ABCG2: variants seen among roughly 807,000 people sequenced by gnomAD.
The protein encoded by ABCG2 is broad substrate specificity ATP-binding cassette transporter ABCG2.
In ABCG2, 80 loss-of-function variants were observed where a neutral mutation model predicts 73.5. The observed-to-expected ratio is 1.09, with a 90% CI of 0.91 to 1.31. The LOEUF is 1.31. ABCG2 is among the 50% of genes most tolerant of loss of function. The probability of loss-of-function intolerance (pLI) is 0.00; values close to 1 mark genes in which losing one functional copy is unlikely to be tolerated. For missense variants in ABCG2, 796 were observed against 786.2 expected, an observed-to-expected ratio of 1.01 and a Z score of -0.15; for synonymous variants, 269 against 282.4, an observed-to-expected ratio of 0.95 and a Z score of 0.48.
intron 1 of ABCG2, among the ~76,000 whole-genome samples, chr4:88,182,225 C>T (rs1728281902): frequency 6.6e-6 from 1 of 151,948 alleles, no homozygotes; most frequent in South Asian, 2.1e-4. Flanking sequence ...TGTATGTACC[C>T]AACACTGCAG....
At chr4:88,116,105 G>T (rs1336806008) in intron 7 of ABCG2, among the ~76,000 whole-genome samples, 1 of 152,176 alleles carries the variant, frequency 6.6e-6, no homozygotes, top group Non-Finnish European at 1.5e-5. Context: ...TGAGGCACAA[G>T]AATTGCTTGA....
chr4:88,145,087 C>T (rs1414841637), intron 1 of ABCG2, among the ~76,000 whole-genome samples: 2 of 152,066 alleles, frequency 1.3e-5, no homozygotes, highest in African/African-American at 2.4e-5. Flanking sequence ...CCAGACTCTA[C>T]TCTTCCTTTT....
intron 1 of ABCG2, among the ~76,000 whole-genome samples, chr4:88,154,798 T>C (rs1461948585): frequency 6.6e-6 from 1 of 152,088 alleles, no homozygotes; most frequent in Admixed American, 6.6e-5. Flanking sequence ...AAAGTATATG[T>C]GTCAGGTGTG....
chr4:88,165,447 G>C (rs1283687240), intron 1 of ABCG2, among the ~76,000 whole-genome samples: 1 of 152,166 alleles, frequency 6.6e-6, no homozygotes, highest in South Asian at 2.1e-4. Context: ...AAAGCCAGCA[G>C]CATAGCAGCC....
At chr4:88,119,144 T>C (rs1435676361) in intron 6 of ABCG2, among the ~76,000 whole-genome samples, 1 of 152,194 alleles carries the variant, frequency 6.6e-6, no homozygotes, top group Non-Finnish European at 1.5e-5. Context: ...CGAGATCTGA[T>C]GGTTTTATAA....
At chr4:88,203,148 T>C (rs754171209) in intron 1 of ABCG2, among the ~76,000 whole-genome samples, 10 of 152,132 alleles carry the variant, frequency 6.6e-5, no homozygotes, top group Non-Finnish European at 1.2e-4. Context: ...CAATAAAGCA[T>C]TGAGGGTAAT....
intron 5 of ABCG2, among the ~76,000 whole-genome samples, chr4:88,124,342 T>C (rs1380529602): frequency 6.6e-6 from 1 of 152,192 alleles, no homozygotes; most frequent in Non-Finnish European, 1.5e-5. Context: ...ATGGGCTAAA[T>C]GCCCCAGTTA....
Position 88,191,271 on chromosome 4 carries a change from C to CA in ABCG2, c.-20+39722dup, listed in dbSNP as rs560675161. ...TGGGCGACAGAGTGAGACTCCGTCT[C>CA]AAAAAAAAAAAACAAAAAGGGCAAA... On this transcript the variant is annotated intron_variant, in intron 1 of 15. Coordinates refer to the ABCG2 transcript ENST00000515655. 6.2e-3 allele frequency among the ~76,000 whole-genome samples: 625 copies of CA among 100,254 alleles called. 3 individuals carry two copies. Among genetic ancestry groups the CA allele is most frequent in the African/African-American group, 0.015 (409 of 26,882 alleles). The allele number at this position is 100,254 out of a possible 152,430, so 65.8% of individuals were successfully genotyped here. A position where few individuals can be genotyped will look rare whatever the true frequency, so the allele number is the denominator to read the frequency against.
Position 88,092,145 on chromosome 4 carries a change from C to T in ABCG2, c.*89G>A, listed in dbSNP as rs1272151455. 1.6e-6 allele frequency: 2 copies of T among 1,252,976 alleles called. No individual in the cohort carries two copies. The highest frequency in any genetic ancestry group is 2.2e-6 in the Non-Finnish European group (2 of 908,118). The allele number at this position is 1,252,976 out of a possible 1,614,324, so 77.6% of individuals were successfully genotyped here. ...GTGCAACAGTGTGATGGCAAGGGAA[C>T]AGAAAACAACAAAAAAACTTGATTG... On this transcript the variant is annotated 3_prime_UTR_variant, in exon 16 of 16. Transcript: ENST00000237612.
At chr4:88,159,215 C>A (rs763371088), upstream of ABCG2, 9 of 456,226 alleles carry the variant, frequency 2.0e-5, no homozygotes, top group South Asian at 1.4e-4. Context: ...CTCGTCTGAC[C>A]TAGCTGGGTT....
At chr4:88,119,746 G>A (rs1263062729) in intron 6 of ABCG2, among the ~76,000 whole-genome samples, 3 of 152,122 alleles carry the variant, frequency 2.0e-5, no homozygotes, top group Non-Finnish European at 4.4e-5. Context: ...GAGGTGACTC[G>A]GGTGCTGTTA....
At chr4:88,158,774 C>CT (rs1727136590), upstream of ABCG2, 1 of 364,126 alleles carries the variant, frequency 2.7e-6, no homozygotes, top group African/African-American at 2.3e-5. Flanking sequence ...GTGGGAGGCG[C>CT]TGCGGCTGGA....
intron 1 of ABCG2, among the ~76,000 whole-genome samples, chr4:88,168,119 C>CA (rs1020409728): frequency 6.6e-6 from 1 of 152,062 alleles, no homozygotes; most frequent in Non-Finnish European, 1.5e-5. Flanking sequence ...ATGCTGGAGC[C>CA]AGAACACCTT....
intron 14 of ABCG2, among the ~76,000 whole-genome samples, chr4:88,094,897 C>T (rs1379315077): frequency 1.3e-5 from 2 of 152,190 alleles, no homozygotes; most frequent in African/African-American, 2.4e-5. Flanking sequence ...AGCGGGAGAC[C>T]TCTGGCTATA....
chr4:88,170,232 C>T (rs1727705589), intron 1 of ABCG2, among the ~76,000 whole-genome samples: 1 of 152,160 alleles, frequency 6.6e-6, no homozygotes, highest in Middle Eastern at 3.4e-3. Flanking sequence ...TGAAATATGC[C>T]TTTGAATGTG....
At chr4:88,195,899 C>A (rs749698636) in intron 1 of ABCG2, among the ~76,000 whole-genome samples, 5 of 152,142 alleles carry the variant, frequency 3.3e-5, no homozygotes, top group Non-Finnish European at 7.3e-5. Flanking sequence ...TCTCAGGAGG[C>A]CATATACCAG....
rs184992816 is a variant in ABCG2 at position 88,102,369 on chromosome 4, G to A, written c.1278-1050C>T. Among the ~76,000 whole-genome samples the A allele has an allele frequency of 1.7e-4, 26 of 152,240 alleles. No homozygotes were observed. In the East Asian group the frequency reaches 3.9e-3, roughly 23 times the overall value. On this transcript the variant is annotated intron_variant, in intron 10 of 15. Transcript: ENST00000237612. ...TCTCGGCACTATGGGAGGCCGGGTC[G>A]GGAGGATCATGAGGTCAGGAGTTCA...
At chr4:88,173,138 T>C (rs180854189) in intron 1 of ABCG2, among the ~76,000 whole-genome samples, 1 of 152,350 alleles carries the variant, frequency 6.6e-6, no homozygotes, top group East Asian at 1.9e-4. Flanking sequence ...ATTGTATTGG[T>C]CATCATATTC....
chr4:88,203,506 C>T (rs1310803803), intron 1 of ABCG2, among the ~76,000 whole-genome samples: 1 of 152,142 alleles, frequency 6.6e-6, no homozygotes, highest in East Asian at 1.9e-4. Context: ...CGCGGTGGCT[C>T]ATGCCTTTAA....
Sources: gnomAD v4.1 joint callset for allele counts (sites outside exome capture counted in the v4.1 genomes callset) on GRCh38, gnomAD v4.1.1 for gene constraint, MANE v1.5 for transcripts, NCBI Gene and HGNC (gene_info 2026-07-23, HGNC 2026-07-21) for gene names.